The following CEP192 variants were observed in gnomAD, a reference collection of about 807,000 sequenced individuals.
CEP192 encodes centrosomal protein of 192 kDa.
Under a neutral mutation model 271.8 loss-of-function variants are expected in CEP192, and 151 were observed. The observed-to-expected ratio is 0.56, with a 90% CI of 0.49 to 0.64. The LOEUF (loss-of-function observed/expected upper bound fraction) is 0.64. Ranked by LOEUF, CEP192 falls within the 30% of genes least tolerant of loss-of-function variation. The probability of loss-of-function intolerance (pLI) is 0.00; values close to 1 mark genes in which losing one functional copy is unlikely to be tolerated. For missense variants in CEP192, 2,910 were observed against 3,020.5 expected (o/e 0.96, Z 0.86); for synonymous variants, 995 against 1,076.5 (o/e 0.92, Z 1.48).
chr18:12,995,525 A>G (rs2033172487), intron 1 of CEP192, among the ~76,000 whole-genome samples: 1 of 152,228 alleles, frequency 6.6e-6, no homozygotes, highest in Non-Finnish European at 1.5e-5. Context: ...TTATTCATTC[A>G]TTCACTCAAG....
chr18:13,048,758 C>T (rs1397083529), intron 15 of CEP192, 101 bp from the exon 16 acceptor site: 1 of 749,176 alleles, frequency 1.3e-6, no homozygotes, highest in Non-Finnish European at 2.2e-6. Context: ...CAGGTATCCA[C>T]TTGGAGGTTT....
At chr18:13,074,164 G>A (rs552067424) in intron 30 of CEP192, among the ~76,000 whole-genome samples, 69 of 152,286 alleles carry the variant, frequency 4.5e-4, no homozygotes, top group African/African-American at 1.4e-3. Flanking sequence ...TGTTAAAGAG[G>A]GGATGTGATA....
At chr18:13,052,722 C>T (rs1272195831) in intron 17 of CEP192, among the ~76,000 whole-genome samples, 197 bp from the exon 18 acceptor site, 1 of 152,116 alleles carries the variant, frequency 6.6e-6, no homozygotes, top group African/African-American at 2.4e-5. Context: ...ATGAAAATGC[C>T]ACAATACATT....
At chr18:13,102,258 A>T (rs1305762491) in intron 38 of CEP192, among the ~76,000 whole-genome samples, 2 of 151,762 alleles carry the variant, frequency 1.3e-5, no homozygotes, top group Non-Finnish European at 2.9e-5. Context: ...CCTGAGACTC[A>T]GTGAAAGGCT....
intron 11 of CEP192, among the ~76,000 whole-genome samples, chr18:13,032,437 T>A (rs1256833782): frequency 6.6e-6 from 1 of 152,076 alleles, no homozygotes; most frequent in Non-Finnish European, 1.5e-5. Context: ...TGAGTTGCGG[T>A]TAGGACTTGC....
intron 30 of CEP192, among the ~76,000 whole-genome samples, chr18:13,079,129 T>C (rs931760315): frequency 6.6e-6 from 1 of 152,256 alleles, no homozygotes; most frequent in Non-Finnish European, 1.5e-5. Flanking sequence ...TAGCATGAAT[T>C]ATAATCCTTT....
At chr18:13,030,670 C>T (rs2035568877) in intron 11 of CEP192, 62 bp downstream of exon 11, 1 of 1,345,626 alleles carries the variant, frequency 7.4e-7, no homozygotes, top group South Asian at 1.3e-5. Context: ...TCTAAGATTA[C>T]TGTGTATATG....
chr18:13,039,466 A>G (rs1448106521), intron 13 of CEP192, among the ~76,000 whole-genome samples: 1 of 152,084 alleles, frequency 6.6e-6, no homozygotes, highest in Non-Finnish European at 1.5e-5. Context: ...AAAAAAAAAA[A>G]AAAAAGTGAT....
chr18:13,111,084 G>A (rs2040188662), intron 40 of CEP192, among the ~76,000 whole-genome samples: 1 of 152,120 alleles, frequency 6.6e-6, no homozygotes, highest in African/African-American at 2.4e-5. Flanking sequence ...CAGCCATCTA[G>A]GCCTCCTTTG....
chr18:13,019,655 T>C (rs1219119774), intron 9 of CEP192, among the ~76,000 whole-genome samples: 1 of 152,156 alleles, frequency 6.6e-6, no homozygotes, highest in African/African-American at 2.4e-5. Flanking sequence ...GATTTGAATT[T>C]TGCATGTAGG....
chr18:13,079,741 GTT>G (rs1223328863), intron 30 of CEP192, among the ~76,000 whole-genome samples: 1 of 152,122 alleles, frequency 6.6e-6, no homozygotes, highest in African/African-American at 2.4e-5. Flanking sequence ...TATTGCCTAG[GTT>G]TTCTTCTAGG....
At chr18:13,075,670 C>T (rs1412567058) in intron 30 of CEP192, among the ~76,000 whole-genome samples, 1 of 152,138 alleles carries the variant, frequency 6.6e-6, no homozygotes, top group Non-Finnish European at 1.5e-5. Flanking sequence ...TTATGAATTA[C>T]CCAGTCTATA....
intron 9 of CEP192, among the ~76,000 whole-genome samples, chr18:13,029,407 G>C (rs1455905557): frequency 6.6e-6 from 1 of 152,186 alleles, no homozygotes; most frequent in African/African-American, 2.4e-5. Flanking sequence ...TGCACACACA[G>C]AGCTCACTTT....
chr18:13,096,289 A>T lies in CEP192; in HGVS notation c.6539A>T (p.His2180Leu). 1 of 1,613,774 alleles carries T rather than the reference A, an allele frequency of 6.2e-7. No homozygotes were observed. The highest frequency in any genetic ancestry group is 8.5e-7 in the Non-Finnish European group (1 of 1,179,664). Residue 2180 changes from histidine to leucine, a missense_variant, in exon 36 of 45, where the codon CAT (histidine) becomes CTT (leucine). His to Leu is a moderately conservative substitution (Grantham distance 99, BLOSUM62 -3). Coordinates refer to ENST00000506447, the MANE Select transcript of CEP192 (RefSeq NM_032142.4). ...PAHCLTVTPQ[H>L]GCVAPESKLQ... Reference sequence around the variant, plus strand: ...CATTGCCTCACAGTCACGCCGCAGCATGGATGTGTCGCGCCAGAGTAAGTC... The same window carrying T: ...CATTGCCTCACAGTCACGCCGCAGCTTGGATGTGTCGCGCCAGAGTAAGTC...
intron 40 of CEP192, among the ~76,000 whole-genome samples, chr18:13,109,284 A>G (rs1442488150): frequency 6.6e-6 from 1 of 152,226 alleles, no homozygotes; most frequent in African/African-American, 2.4e-5. Context: ...TAAATGAATT[A>G]ACATGGGAAT....
At chr18:13,077,910 C>T (rs1202131434) in intron 30 of CEP192, among the ~76,000 whole-genome samples, 2 of 151,572 alleles carry the variant, frequency 1.3e-5, no homozygotes, top group Admixed American at 6.6e-5. Context: ...CATATCCATC[C>T]ATCAGCTCAT....
chr18:13,103,444 T>G (rs2039807833), intron 38 of CEP192, 65 bp from the exon 39 acceptor site: 1 of 1,301,110 alleles, frequency 7.7e-7, no homozygotes, highest in African/African-American at 1.5e-5. Context: ...GTTAGGCCTG[T>G]CACAGTCATC....
chr18:13,120,076 T>C (rs964001850), intron 44 of CEP192, among the ~76,000 whole-genome samples: 3 of 152,266 alleles, frequency 2.0e-5, no homozygotes, highest in Non-Finnish European at 4.4e-5. Context: ...TCACAGATTT[T>C]TTTTAAAGAA....
At chr18:13,092,329 A>T (rs1228127119) in intron 33 of CEP192, 48 bp from the exon 34 acceptor site, 1 of 1,274,636 alleles carries the variant, frequency 7.8e-7, no homozygotes, top group Non-Finnish European at 1.1e-6. Context: ...ACTTTGTGGT[A>T]TGCTTGTGTG....
Sources: gnomAD v4.1 joint callset for allele counts (sites outside exome capture counted in the v4.1 genomes callset) on GRCh38, gnomAD v4.1.1 for gene constraint, MANE v1.5 for transcripts, NCBI Gene and HGNC (gene_info 2026-07-23, HGNC 2026-07-21) for gene names.